SLC39A11: variants seen among roughly 807,000 people sequenced by gnomAD.
SLC39A11 encodes the protein zinc transporter ZIP11.
In SLC39A11, 33 loss-of-function variants were observed where a neutral mutation model predicts 36.1. That is an observed-to-expected ratio of 0.91 (90% CI 0.69 to 1.22). SLC39A11 has a LOEUF of 1.22. Among genes scored for constraint, SLC39A11 ranks in the 50% most tolerant of loss-of-function variants. The pLI is 0.00. For synonymous variants in SLC39A11, 166 were observed against 170.3 expected (o/e 0.97, Z 0.20); for missense variants, 432 against 430.3 (o/e 1.00, Z -0.03).
intron 7 of SLC39A11, 40 bp downstream of exon 7, chr17:72,736,610 G>C: frequency 6.3e-7 from 1 of 1,580,334 alleles, no homozygotes; most frequent in Middle Eastern, 1.7e-4. Context: ...GCACCCCTGG[G>C]TGCAGAACCA....
At chr17:73,000,433 T>C (rs866609964) in intron 4 of SLC39A11, among the ~76,000 whole-genome samples, 1 of 152,248 alleles carries the variant, frequency 6.6e-6, no homozygotes. Context: ...ATCCAACTTA[T>C]GTTCCCGACA....
chr17:72,830,101 A>G (rs923645085), intron 6 of SLC39A11, among the ~76,000 whole-genome samples: 2 of 152,214 alleles, frequency 1.3e-5, no homozygotes, highest in African/African-American at 4.8e-5. Flanking sequence ...AGACATGCAC[A>G]CATGCATACA....
At chr17:72,910,485 G>C (rs546006178) in intron 5 of SLC39A11, among the ~76,000 whole-genome samples, 11 of 151,898 alleles carry the variant, frequency 7.2e-5, no homozygotes, top group African/African-American at 2.4e-4. Context: ...TTAGCCAGGC[G>C]TGGTGGCATG....
intron 7 of SLC39A11, among the ~76,000 whole-genome samples, chr17:72,732,877 A>C (rs2074287145): frequency 6.6e-6 from 1 of 152,228 alleles, no homozygotes; most frequent in East Asian, 1.9e-4. Context: ...AGTTTGTACC[A>C]TACACCCTTT....
chr17:72,998,826 C>T (rs1002882942), intron 4 of SLC39A11, among the ~76,000 whole-genome samples: 1 of 152,220 alleles, frequency 6.6e-6, no homozygotes, highest in Admixed American at 6.5e-5. Flanking sequence ...CAAGGAAAGC[C>T]AGACAGCAGA....
chr17:72,997,790 AACCG>A (rs1763455362), intron 4 of SLC39A11, among the ~76,000 whole-genome samples: 1 of 152,214 alleles, frequency 6.6e-6, no homozygotes, highest in Non-Finnish European at 1.5e-5. Context: ...GTCACTTAGT[AACCG>A]TCTTGGTTAT....
intron 4 of SLC39A11, among the ~76,000 whole-genome samples, chr17:72,997,469 T>C (rs1449811927): frequency 5.9e-5 from 9 of 152,048 alleles, no homozygotes; most frequent in Admixed American, 1.3e-4. Context: ...GCCAGGCTGG[T>C]CTTGAACTCC....
intron 4 of SLC39A11, among the ~76,000 whole-genome samples, chr17:72,951,261 CAAA>C (rs61453793): frequency 1.4e-4 from 12 of 86,962 alleles, no homozygotes; most frequent in East Asian, 3.4e-4. Flanking sequence ...GACCCTGTTG[CAAA>C]AAAAAAAAAA....
intron 7 of SLC39A11, among the ~76,000 whole-genome samples, chr17:72,706,043 G>GT (rs1405781246): frequency 1.3e-5 from 2 of 152,202 alleles, no homozygotes; most frequent in Non-Finnish European, 2.9e-5. Flanking sequence ...ATCTTGGGAA[G>GT]TTTAAGTGTG....
chr17:72,778,834 A>C (rs2076215441), intron 6 of SLC39A11, among the ~76,000 whole-genome samples: 1 of 152,230 alleles, frequency 6.6e-6, no homozygotes, highest in South Asian at 2.1e-4. Context: ...AGGTTGGGGA[A>C]GTAGATAACC....
chr17:72,909,800 C>T (rs1023609326), intron 5 of SLC39A11, among the ~76,000 whole-genome samples: 1 of 149,002 alleles, frequency 6.7e-6, no homozygotes, highest in South Asian at 2.1e-4. Context: ...GGCTGGAGTG[C>T]AGTGGCGTGA....
At position 72,821,448 on chromosome 17, in the gene SLC39A11, G is replaced by T. The variant is rs1438907824; in HGVS notation, c.601+28186C>A. On this transcript the variant is annotated intron_variant, in intron 6 of 9. Transcript: ENST00000255559. ...TTGAACTCAGGAGGCGGAGGTTGTGGTGAGCCAAGATTGTACCACTGCACT... is the reference window on the plus strand; with the variant it reads ...TTGAACTCAGGAGGCGGAGGTTGTGTTGAGCCAAGATTGTACCACTGCACT... Among the ~76,000 whole-genome samples the T allele has an allele frequency of 2.7e-5, 4 of 147,278 alleles. 1 individual carries two copies. Among genetic ancestry groups the T allele is most frequent in the Non-Finnish European group, 6.1e-5 (4 of 65,906 alleles).
chr17:72,676,815 A>G (rs2071280796), intron 7 of SLC39A11, among the ~76,000 whole-genome samples: 1 of 152,134 alleles, frequency 6.6e-6, no homozygotes. Flanking sequence ...TACCCTCAAT[A>G]AAATCTCGGG....
In SLC39A11 at chr17:73,029,615, T is replaced by C. The variant is rs1176630242; in HGVS notation, c.306+1941A>G. On this transcript the variant is annotated intron_variant, in intron 4 of 9. Transcript: ENST00000255559. ...TTTTTTTTTTGAGACAGGGTCTTGC[T>C]CTGTTACCTAGGCAGGAGTGCAGTG... Among the ~76,000 whole-genome samples the C allele has an allele frequency of 4.0e-5, 6 of 151,420 alleles. 1 individual carries two copies. Among genetic ancestry groups the C allele is most frequent in the Admixed American group, 1.3e-4 (2 of 15,188 alleles).
chr17:72,773,494 A>C (rs2466504), intron 6 of SLC39A11, among the ~76,000 whole-genome samples: 16,706 of 152,134 alleles, frequency 0.11, 1,432 homozygotes, highest in African/African-American at 0.24. Context: ...CCCTGTAAGA[A>C]GTGCCTTTCA....
chr17:73,072,790 C>T (rs1020086829), intron 3 of SLC39A11, among the ~76,000 whole-genome samples: 4 of 152,208 alleles, frequency 2.6e-5, no homozygotes, highest in African/African-American at 4.8e-5. Flanking sequence ...AATATGTTCA[C>T]GGTCTCCTGT....
rs533324650 is a variant in SLC39A11 at position 72,971,317 on chromosome 17, T to TAC, written c.307-23444_307-23443dup. 2.4e-3 allele frequency among the ~76,000 whole-genome samples: 345 copies of TAC among 144,634 alleles called. 4 individuals carry two copies. Among genetic ancestry groups the TAC allele is most frequent in the East Asian group, 0.024 (116 of 4,918 alleles). The allele number at this position is 144,634 out of a possible 152,430, so 94.9% of individuals were successfully genotyped here. ...ACTGCTCACCCCCTCCACACACACA[T>TAC]ACACACACACACACACACACTCTCT... On this transcript the variant is annotated intron_variant, in intron 4 of 9. Coordinates refer to ENST00000255559, the MANE Select transcript of SLC39A11 (RefSeq NM_139177.4).
Position 72,959,323 on chromosome 17 carries a change from G to GTATATATA in SLC39A11, c.307-11449_307-11448insTATATATA, listed in dbSNP as rs766454318. ...AACTGGTGTATGTATGTGTGTGTGT[G>GTATATATA]TGTATATATATATATATATATATAT... On this transcript the variant is annotated intron_variant, in intron 4 of 9. Transcript: ENST00000255559. Among the ~76,000 whole-genome samples, 304 of 81,342 alleles carry GTATATATA rather than the reference G, an allele frequency of 3.7e-3. 4 individuals are homozygous for GTATATATA. Among genetic ancestry groups the GTATATATA allele is most frequent in the Middle Eastern group, 8.3e-3 (1 of 120 alleles). The allele number at this position is 81,342 out of a possible 152,430, so 53.4% of individuals were successfully genotyped here.
At chr17:72,713,205 A>C (rs2073188368) in intron 7 of SLC39A11, among the ~76,000 whole-genome samples, 1 of 152,158 alleles carries the variant, frequency 6.6e-6, no homozygotes, top group Non-Finnish European at 1.5e-5. Flanking sequence ...CCAGGTTTGT[A>C]ACAGGGTAAG....
Sources: allele counts gnomAD v4.1 joint callset (sites outside exome capture counted in the v4.1 genomes callset), GRCh38; gene constraint gnomAD v4.1.1; transcripts MANE v1.5; gene names NCBI Gene and HGNC (gene_info 2026-07-23, HGNC 2026-07-21).